COG5: variants seen among roughly 807,000 people sequenced by gnomAD.
COG5 encodes the protein component of oligomeric golgi complex 5.
COG5 carries 86 observed loss-of-function variants against 110.4 expected under a neutral mutation model. The observed-to-expected ratio is 0.78, with a 90% CI of 0.65 to 0.93. The LOEUF (loss-of-function observed/expected upper bound fraction) is 0.93. Ranked by LOEUF, COG5 falls within the 40% of genes least tolerant of loss-of-function variation. The pLI is 0.00. For synonymous variants in COG5, 360 were observed against 334.6 expected, an observed-to-expected ratio of 1.08 and a Z score of -0.83; for missense variants, 1,077 against 987.0, an observed-to-expected ratio of 1.09 and a Z score of -1.22.
rs528687544 is a variant in COG5 at position 107,541,006 on chromosome 7, C to T, written c.417+7105G>A. Among the ~76,000 whole-genome samples the T allele has an allele frequency of 3.3e-5, 5 of 151,958 alleles. 1 individual carries two copies. The South Asian group carries it at 1.0e-3, about 32-fold the overall frequency. ...TCTCTACTCAAAATACAAAAATTAG[C>T]CAGGTGTTGTGGCACATGCCTGTAA... On this transcript the variant is annotated intron_variant, in intron 5 of 21. Transcript: ENST00000297135.
At chr7:107,331,886 G>C (rs1810282726) in intron 10 of COG5, among the ~76,000 whole-genome samples, 1 of 146,754 alleles carries the variant, frequency 6.8e-6, no homozygotes, top group Non-Finnish European at 1.5e-5. Context: ...CTGTTACCCA[G>C]GCTGGAGTAC....
chr7:107,497,310 A>T (rs1356389279), intron 6 of COG5, among the ~76,000 whole-genome samples: 1 of 152,220 alleles, frequency 6.6e-6, no homozygotes, highest in Non-Finnish European at 1.5e-5. Flanking sequence ...CAATCAAGTA[A>T]GAAAAAGAAA....
intron 6 of COG5, among the ~76,000 whole-genome samples, chr7:107,502,038 C>T (rs910114243): frequency 6.6e-6 from 1 of 152,024 alleles, no homozygotes; most frequent in African/African-American, 2.4e-5. Context: ...ATTTCAATAG[C>T]TTTTGGAGTA....
At chr7:107,357,485 G>A (rs1812730962) in intron 10 of COG5, among the ~76,000 whole-genome samples, 1 of 151,970 alleles carries the variant, frequency 6.6e-6, no homozygotes, top group South Asian at 2.1e-4. Flanking sequence ...ATGTGTGTGT[G>A]GCATAGGAAT....
intron 21 of COG5, chr7:107,209,180 C>T (rs1798981767): frequency 1.0e-6 from 1 of 985,314 alleles, no homozygotes; most frequent in Non-Finnish European, 1.2e-6. Flanking sequence ...TGGGCCCAGA[C>T]CAACAGAATT....
chr7:107,349,690 T>C (rs908469206), intron 10 of COG5, among the ~76,000 whole-genome samples: 8 of 152,084 alleles, frequency 5.3e-5, no homozygotes, highest in Admixed American at 2.6e-4. Context: ...CCCAAGTAGC[T>C]GGTACTACAG....
chr7:107,242,982 G>A (rs1801764549), intron 17 of COG5, among the ~76,000 whole-genome samples: 1 of 151,876 alleles, frequency 6.6e-6, no homozygotes, highest in African/African-American at 2.4e-5. Context: ...GACACTCACA[G>A]GCTCAAAATA....
At chr7:107,385,809 T>C (rs545735194) in intron 7 of COG5, among the ~76,000 whole-genome samples, 4 of 150,082 alleles carry the variant, frequency 2.7e-5, no homozygotes, top group East Asian at 1.9e-4. Flanking sequence ...TATTTTCTTT[T>C]TTTTTTTTTT....
chr7:107,503,219 T>TA (rs1263652667), intron 6 of COG5, among the ~76,000 whole-genome samples: 1 of 152,192 alleles, frequency 6.6e-6, no homozygotes, highest in African/African-American at 2.4e-5. Flanking sequence ...TACATGTGGC[T>TA]AGCCAGTTTT....
At chr7:107,451,109 G>T (rs1307270884) in intron 6 of COG5, among the ~76,000 whole-genome samples, 2 of 152,160 alleles carry the variant, frequency 1.3e-5, no homozygotes, top group Non-Finnish European at 2.9e-5. Flanking sequence ...TGCCATCGCT[G>T]TTACAGAAAA....
At chr7:107,270,505 C>T (rs1478664740) in intron 14 of COG5, among the ~76,000 whole-genome samples, 1 of 152,164 alleles carries the variant, frequency 6.6e-6, no homozygotes, top group Non-Finnish European at 1.5e-5. Context: ...AAGCGATCCA[C>T]CTGCCTTGGC....
At chr7:107,227,843 G>A (rs1800468727) in intron 19 of COG5, among the ~76,000 whole-genome samples, 1 of 152,110 alleles carries the variant, frequency 6.6e-6, no homozygotes, top group Non-Finnish European at 1.5e-5. Context: ...CAAGTAGCTG[G>A]GACTACAGAT....
chr7:107,257,514 C>T (rs1802975790), intron 15 of COG5, among the ~76,000 whole-genome samples: 1 of 151,896 alleles, frequency 6.6e-6, no homozygotes, highest in African/African-American at 2.4e-5. Context: ...TATATTAAAG[C>T]TTATACTATA....
At chr7:107,267,516 T>C (rs564787675) in intron 14 of COG5, among the ~76,000 whole-genome samples, 5 of 152,328 alleles carry the variant, frequency 3.3e-5, no homozygotes, top group Admixed American at 1.3e-4. Flanking sequence ...GCTGAGCTTT[T>C]CCCACTTTCC....
At chr7:107,420,217 G>C (rs1041063094) in intron 6 of COG5, among the ~76,000 whole-genome samples, 1 of 152,108 alleles carries the variant, frequency 6.6e-6, no homozygotes, top group Admixed American at 6.5e-5. Context: ...AAACTTTTCT[G>C]AGACTCCAAC....
chr7:107,239,399 G>C (rs1258415583), intron 17 of COG5, among the ~76,000 whole-genome samples: 1 of 152,090 alleles, frequency 6.6e-6, no homozygotes, highest in Non-Finnish European at 1.5e-5. Flanking sequence ...GATACCTCTA[G>C]CTTTATTTTT....
intron 6 of COG5, among the ~76,000 whole-genome samples, chr7:107,422,690 T>TAAA (rs972014653): frequency 2.8e-5 from 4 of 142,228 alleles, no homozygotes; most frequent in Non-Finnish European, 3.1e-5. Context: ...TAATGAAACT[T>TAAA]AAAAAAAAAA....
chr7:107,240,550 A>T (rs1801532663), intron 17 of COG5, among the ~76,000 whole-genome samples: 1 of 152,104 alleles, frequency 6.6e-6, no homozygotes, highest in Non-Finnish European at 1.5e-5. Flanking sequence ...GGAGTCTGTA[A>T]CCCTACCACA....
At chr7:107,451,092 C>G (rs1284708087) in intron 6 of COG5, among the ~76,000 whole-genome samples, 1 of 152,228 alleles carries the variant, frequency 6.6e-6, no homozygotes, top group Non-Finnish European at 1.5e-5. Flanking sequence ...GATTACACCA[C>G]TGAACATGCC....
Sources: gnomAD v4.1 joint callset for allele counts (sites outside exome capture counted in the v4.1 genomes callset) on GRCh38, gnomAD v4.1.1 for gene constraint, MANE v1.5 for transcripts, NCBI Gene and HGNC (gene_info 2026-07-23, HGNC 2026-07-21) for gene names.